TRAPPC10: variants seen among roughly 807,000 people sequenced by gnomAD.
The protein encoded by TRAPPC10 is TRAPP 130 kDa subunit.
In TRAPPC10, 23 loss-of-function variants were observed where a neutral mutation model predicts 125.5. The observed-to-expected ratio is 0.18, with a 90% confidence interval of 0.13 to 0.26. The LOEUF (loss-of-function observed/expected upper bound fraction) is 0.26. TRAPPC10 is among the 10% of genes least tolerant of loss of function. The pLI is 1.00. For synonymous variants in TRAPPC10, 509 were observed against 518.0 expected, an observed-to-expected ratio of 0.98 and a Z score of 0.24; for missense variants, 1,123 against 1,308.4, an observed-to-expected ratio of 0.86 and a Z score of 2.19.
chr21:44,078,462 G>T (rs2037444239), intron 11 of TRAPPC10, among the ~76,000 whole-genome samples: 1 of 149,456 alleles, frequency 6.7e-6, no homozygotes, highest in Admixed American at 6.6e-5. Flanking sequence ...AAAAAAAAGT[G>T]ATTGAAATGA....
At chr21:44,064,430 G>A (rs528550907) in intron 7 of TRAPPC10, among the ~76,000 whole-genome samples, 1 of 152,200 alleles carries the variant, frequency 6.6e-6, no homozygotes, top group East Asian at 1.9e-4. Flanking sequence ...CACGGACATT[G>A]TAGTGAGATG....
intron 3 of TRAPPC10, among the ~76,000 whole-genome samples, chr21:44,045,301 G>C (rs1364134712): frequency 6.6e-6 from 1 of 152,166 alleles, no homozygotes; most frequent in African/African-American, 2.4e-5. Flanking sequence ...CTGACCGAAG[G>C]ATTTCTGTAA....
At chr21:44,081,704 T>C (rs2037756200) in intron 13 of TRAPPC10, among the ~76,000 whole-genome samples, 1 of 152,064 alleles carries the variant, frequency 6.6e-6, no homozygotes, top group Non-Finnish European at 1.5e-5. Flanking sequence ...CTGGGCAACA[T>C]GGCGAAACCC....
rs2036201899 is a variant in TRAPPC10 at position 44,063,443 on chromosome 21, A to G, written c.791-95A>G. 2 of 1,527,692 alleles carry G rather than the reference A, an allele frequency of 1.3e-6. No homozygotes were observed. The highest frequency in any genetic ancestry group is 1.4e-5 in the African/African-American group (1 of 73,036). 94.6% of individuals were successfully genotyped at this position (1,527,692 alleles called of 1,614,324 possible). On this transcript the variant is annotated intron_variant, in intron 6 of 22. Transcript: ENST00000291574. This position sits in a 1 kb window ranked among gnomAD's most constrained non-coding sequence, Gnocchi z 4.4. The stretch of plus-strand genomic sequence containing the variant: ...GTGTTCATAGAAAAACTGGTTATGA[A>G]GCTGCCTGTTTGCCCACCATCCTCA...
chr21:44,052,532 G>A, intron 4 of TRAPPC10, 56 bp downstream of exon 4: 1 of 1,491,562 alleles, frequency 6.7e-7, no homozygotes, highest in Non-Finnish European at 9.1e-7. Context: ...GATACAGATT[G>A]CTGGCTTCCT....
chr21:44,080,178 A>C (rs182329148), intron 13 of TRAPPC10, 51 bp downstream of exon 13: 16,049 of 1,494,948 alleles, frequency 0.011, 142 homozygotes, highest in South Asian at 0.028. Context: ...ATATTACAGA[A>C]GTAAAAAAGA....
chr21:44,020,293 ATT>A (rs1331032566), intron 1 of TRAPPC10, among the ~76,000 whole-genome samples: 1 of 151,304 alleles, frequency 6.6e-6, no homozygotes, highest in East Asian at 1.9e-4. Context: ...CACCTGGCTA[ATT>A]TTTTTGTATT....
At chr21:44,077,149 A>G (rs1249965465) in intron 10 of TRAPPC10, among the ~76,000 whole-genome samples, 1 of 152,182 alleles carries the variant, frequency 6.6e-6, no homozygotes, top group African/African-American at 2.4e-5. Flanking sequence ...AAGTCCTTGG[A>G]AAAGTTAGAT....
In TRAPPC10 at chr21:44,079,590, A is replaced by C. The variant is rs767104177; in HGVS notation, c.1496A>C (p.Glu499Ala). ...AGGAAAAAGGCTCCACAAAAGGCAGAAATCTATCTTCAAGGAGCACTGAAA... is the reference window on the plus strand; with the variant it reads ...AGGAAAAAGGCTCCACAAAAGGCAGCAATCTATCTTCAAGGAGCACTGAAA... ...YMRKKAPQKA[E>A]IYLQGALKNY... Residue 499 changes from glutamate to alanine, a missense_variant, in exon 12 of 23, where the codon GAA (glutamate) becomes GCA (alanine). By Grantham distance (107) the Glu-to-Ala change is moderately radical. Around this residue, in one of 4 missense-constraint regions of TRAPPC10, gnomAD observed 840 missense variants for 902.0 expected, o/e 0.93. Transcript: ENST00000291574. 4 of 1,601,418 alleles carry C rather than the reference A, an allele frequency of 2.5e-6. 1 individual carries two copies. In the South Asian group the frequency reaches 4.5e-5, roughly 18 times the overall value.
At chr21:44,057,984 CCT>C (rs1229882756) in intron 5 of TRAPPC10, among the ~76,000 whole-genome samples, 1 of 152,166 alleles carries the variant, frequency 6.6e-6, no homozygotes, top group Non-Finnish European at 1.5e-5. Context: ...CACCTGTTGC[CCT>C]CTCTTTTCAT....
chr21:44,032,379 CTTTT>C (rs1200011844), intron 2 of TRAPPC10, among the ~76,000 whole-genome samples: 1 of 108,468 alleles, frequency 9.2e-6, no homozygotes, highest in Non-Finnish European at 1.8e-5. Context: ...CCATGGTTTT[CTTTT>C]TTTTTTTTTT....
chr21:44,017,451 T>A (rs1024484086), intron 1 of TRAPPC10, among the ~76,000 whole-genome samples: 3 of 152,068 alleles, frequency 2.0e-5, no homozygotes, highest in Non-Finnish European at 4.4e-5. Context: ...TCCTCAATTT[T>A]CTCTGTTCAC....
chr21:44,050,959 C>T (rs2035193317), intron 3 of TRAPPC10, among the ~76,000 whole-genome samples: 1 of 152,140 alleles, frequency 6.6e-6, no homozygotes, highest in Non-Finnish European at 1.5e-5. Context: ...GGCTGGAGTG[C>T]AGTGGTGCGA....
chr21:44,047,161 T>G (rs2034888601), intron 3 of TRAPPC10: 1 of 398,602 alleles, frequency 2.5e-6, no homozygotes, highest in South Asian at 2.8e-5. Context: ...GGTTTATAGT[T>G]TTGATTTAAT....
At chr21:44,038,006 G>C in intron 3 of TRAPPC10, 79 bp downstream of exon 3, 1 of 1,552,290 alleles carries the variant, frequency 6.4e-7, no homozygotes, top group Non-Finnish European at 8.7e-7. Flanking sequence ...AGTACCAGTG[G>C]GGGAAGAGGA....
At chr21:44,028,726 TTG>T (rs2033298390) in intron 1 of TRAPPC10, among the ~76,000 whole-genome samples, 1 of 152,208 alleles carries the variant, frequency 6.6e-6, no homozygotes, top group Admixed American at 6.5e-5. Context: ...AAGGCCTGAG[TTG>T]TCTCTTAATA....
At chr21:44,025,722 A>G (rs565071593) in intron 1 of TRAPPC10, among the ~76,000 whole-genome samples, 150 of 152,170 alleles carry the variant, frequency 9.9e-4, no homozygotes, top group Middle Eastern at 6.8e-3. Flanking sequence ...ACAGTAGGAA[A>G]CTTGATGAAC....
intron 6 of TRAPPC10, among the ~76,000 whole-genome samples, chr21:44,061,223 G>T (rs1031582349): frequency 6.6e-6 from 1 of 152,066 alleles, no homozygotes; most frequent in African/African-American, 2.4e-5. Flanking sequence ...TGCAACCTCC[G>T]CCTCCCGGGT....
chr21:44,068,480 G>A (rs1300581355), intron 7 of TRAPPC10, among the ~76,000 whole-genome samples: 1 of 152,192 alleles, frequency 6.6e-6, no homozygotes, highest in Admixed American at 6.5e-5. Context: ...CCAGTAGGGA[G>A]CCATGAAAGG....
Sources: gnomAD v4.1 joint callset for allele counts (sites outside exome capture counted in the v4.1 genomes callset) on GRCh38, gnomAD v4.1.1 for gene constraint, gnomAD v4.1.1 regional missense constraint, Gnocchi (gnomAD v3.1) non-coding constraint, MANE v1.5 for transcripts, NCBI Gene and HGNC (gene_info 2026-07-23, HGNC 2026-07-21) for gene names.